LRP1B: variants seen among roughly 807,000 people sequenced by gnomAD.
LRP1B encodes low-density lipoprotein receptor-related protein 1B.
A neutral mutation model predicts 556.6 loss-of-function variants in LRP1B; 217 were observed. The observed-to-expected ratio is 0.39, with a 90% CI of 0.35 to 0.44. LRP1B has a LOEUF of 0.44. Ranked by LOEUF, LRP1B falls within the 20% of genes least tolerant of loss-of-function variation. The pLI, the probability that LRP1B is intolerant of heterozygous loss-of-function variation, is 1.00. For missense variants in LRP1B, 5,053 were observed against 5,620.8 expected, an observed-to-expected ratio of 0.90 and a Z score of 3.23; for synonymous variants, 2,047 against 1,865.8, an observed-to-expected ratio of 1.10 and a Z score of -2.50.
chr2:141,599,034 T>C (rs927834681), intron 2 of LRP1B, among the ~76,000 whole-genome samples: 4 of 142,508 alleles, frequency 2.8e-5, no homozygotes, highest in Non-Finnish European at 4.6e-5. Context: ...CTTGCTTTTA[T>C]TTTGTTCAAC....
intron 1 of LRP1B, among the ~76,000 whole-genome samples, chr2:142,121,568 C>T (rs994960705): frequency 2.6e-5 from 4 of 152,188 alleles, no homozygotes; most frequent in Admixed American, 6.6e-5. Flanking sequence ...TGTCCCCTCT[C>T]GTCACTTAGT....
chr2:140,903,175 G>C lies in LRP1B; in HGVS notation c.3521-10C>G, dbSNP rs775641197. ...TTCAGCGAACACTCATCTATAAAAA[G>C]GGGGGAACAGATTATAGGTCTTATC... is the stretch of plus-strand genomic sequence containing the variant. On this transcript the variant is annotated splice_polypyrimidine_tract_variant and intron_variant, in intron 22 of 90. Coordinates refer to ENST00000389484, the MANE Select transcript of LRP1B (RefSeq NM_018557.3). The C allele has an allele frequency of 6.2e-7, 1 of 1,611,630 alleles. No individual in the cohort carries two copies. Among genetic ancestry groups the C allele is most frequent in the Non-Finnish European group, 8.5e-7 (1 of 1,179,098 alleles).
intron 37 of LRP1B, among the ~76,000 whole-genome samples, chr2:140,703,295 G>T (rs1031039): frequency 6.6e-6 from 1 of 151,930 alleles, no homozygotes; most frequent in East Asian, 1.9e-4. Flanking sequence ...GAAAGAAAAT[G>T]TCATGCAGAA....
intron 7 of LRP1B, among the ~76,000 whole-genome samples, chr2:141,115,446 G>GTT (rs1197693262): frequency 2.1e-5 from 2 of 94,538 alleles, no homozygotes; most frequent in Non-Finnish European, 4.6e-5. Context: ...AAATGAATAG[G>GTT]TTTTTGTTTT....
chr2:140,495,790 C>G (rs2104874741), intron 55 of LRP1B, 42 bp from the exon 56 acceptor site: 1 of 1,508,664 alleles, frequency 6.6e-7, no homozygotes, highest in Admixed American at 1.8e-5. Context: ...ATATCATTGT[C>G]ACTGTCTTTT....
At chr2:140,570,218 A>G (rs1287415134) in intron 43 of LRP1B, among the ~76,000 whole-genome samples, 1 of 151,668 alleles carries the variant, frequency 6.6e-6, no homozygotes, top group Non-Finnish European at 1.5e-5. Flanking sequence ...AATAAAAAAT[A>G]AAATCAATAA....
At chr2:141,004,134 A>T (rs1697502691) in intron 15 of LRP1B, among the ~76,000 whole-genome samples, 1 of 152,116 alleles carries the variant, frequency 6.6e-6, no homozygotes, top group Non-Finnish European at 1.5e-5. Context: ...AATCATTATA[A>T]GTGATAAAAT....
chr2:140,769,386 G>A (rs984415629), intron 34 of LRP1B, 42 bp from the exon 35 acceptor site: 1 of 1,516,272 alleles, frequency 6.6e-7, no homozygotes, highest in Non-Finnish European at 8.9e-7. Context: ...GGGAAGCCCA[G>A]AATGAATATT....
chr2:141,199,073 A>G (rs1293201957), intron 6 of LRP1B, among the ~76,000 whole-genome samples: 1 of 152,176 alleles, frequency 6.6e-6, no homozygotes, highest in Non-Finnish European at 1.5e-5. Flanking sequence ...ATTGCAAAAC[A>G]TAAATTATAC....
chr2:140,408,562 A>G (rs1040591947), intron 66 of LRP1B, among the ~76,000 whole-genome samples: 1 of 151,924 alleles, frequency 6.6e-6, no homozygotes, highest in African/African-American at 2.4e-5. Flanking sequence ...AGTACTACAG[A>G]GAGAAAAGGA....
In LRP1B at chr2:140,514,652, C is replaced by G. The variant is rs2104931556; in HGVS notation, c.8269+1G>C. 1.2e-6 allele frequency: 2 copies of G among 1,608,474 alleles called. No individual in the cohort carries two copies. The highest frequency in any genetic ancestry group is 1.7e-6 in the Non-Finnish European group (2 of 1,176,496). ...TTGAGGACAGAAGATACACAACTTA[C>G]CACAAATGCTGTCACTTTCATCTAA... On this transcript the variant is annotated splice_donor_variant, in intron 51 of 90. Transcript: ENST00000389484. LOFTEE classifies it high-confidence loss of function.
At chr2:140,967,477 A>G (rs1411861705) in intron 18 of LRP1B, among the ~76,000 whole-genome samples, 1 of 152,186 alleles carries the variant, frequency 6.6e-6, no homozygotes, top group Non-Finnish European at 1.5e-5. Flanking sequence ...CAATCATGTC[A>G]TCTGCAAACA....
At chr2:141,574,305 C>T (rs755964962) in intron 2 of LRP1B, among the ~76,000 whole-genome samples, 14 of 152,102 alleles carry the variant, frequency 9.2e-5, no homozygotes, top group Non-Finnish European at 1.9e-4. Flanking sequence ...CAAATCAATA[C>T]ATGTAATCCA....
chr2:141,959,316 C>T (rs1382877933), intron 1 of LRP1B, among the ~76,000 whole-genome samples: 1 of 151,918 alleles, frequency 6.6e-6, no homozygotes. Context: ...CTGCCCAAAG[C>T]AAGGACTTTG....
intron 1 of LRP1B, among the ~76,000 whole-genome samples, chr2:142,026,494 T>G (rs1406985841): frequency 1.3e-5 from 2 of 152,136 alleles, no homozygotes; most frequent in Non-Finnish European, 2.9e-5. Context: ...TGAAATATAT[T>G]TGAGATATAG....
rs150396560 is a variant in LRP1B at position 140,388,154 on chromosome 2, C to T, written c.10415-2145G>A. ...GTTTCGCCATGTAGGCCAGGCTGGTCGTGAACTCCTGACCTCAGGTGATCC... is the reference window on the plus strand; with the variant it reads ...GTTTCGCCATGTAGGCCAGGCTGGTTGTGAACTCCTGACCTCAGGTGATCC... On this transcript the variant is annotated intron_variant, in intron 66 of 90. Transcript: ENST00000389484. Among the ~76,000 whole-genome samples, 3 of 152,218 alleles carry T rather than the reference C, an allele frequency of 2.0e-5. No individual in the cohort carries two copies. In the East Asian group the frequency reaches 5.8e-4, roughly 29 times the overall value.
intron 37 of LRP1B, among the ~76,000 whole-genome samples, chr2:140,713,019 C>CT (rs889210442): frequency 3.3e-5 from 5 of 151,386 alleles, no homozygotes; most frequent in Non-Finnish European, 7.4e-5. Context: ...TATTAGACTT[C>CT]TTTTTTTGGC....
intron 2 of LRP1B, among the ~76,000 whole-genome samples, chr2:141,554,062 T>C (rs1162449718): frequency 1.4e-5 from 2 of 141,232 alleles, no homozygotes; most frequent in Admixed American, 7.3e-5. Flanking sequence ...TAGATATAGA[T>C]TATATATCTA....
intron 2 of LRP1B, among the ~76,000 whole-genome samples, chr2:141,572,886 A>G (rs1017599131): frequency 1.5e-5 from 2 of 133,436 alleles, no homozygotes; most frequent in African/African-American, 5.5e-5. Context: ...TAATTCAACA[A>G]GAAGAGCTAA....
Sources: gnomAD v4.1 joint callset for allele counts (sites outside exome capture counted in the v4.1 genomes callset) on GRCh38, gnomAD v4.1.1 for gene constraint, MANE v1.5 for transcripts, NCBI Gene and HGNC (gene_info 2026-07-23, HGNC 2026-07-21) for gene names.